The following ALG6 variants were observed in gnomAD, a reference collection of about 807,000 sequenced individuals.
The protein encoded by ALG6 is dolichyl pyrophosphate Man9GlcNAc2 alpha-1,3-glucosyltransferase.
A neutral mutation model predicts 66.6 loss-of-function variants in ALG6; 46 were observed. The ratio of observed to expected loss-of-function variants is 0.69; its 90% confidence interval spans 0.55 to 0.88. The LOEUF (loss-of-function observed/expected upper bound fraction) is 0.88. Among genes scored for constraint, ALG6 ranks in the 40% least tolerant of loss-of-function variants. ALG6 has a pLI of 0.00. For synonymous variants in ALG6, 185 were observed against 203.7 expected, an observed-to-expected ratio of 0.91 and a Z score of 0.78; for missense variants, 505 against 586.8, an observed-to-expected ratio of 0.86 and a Z score of 1.44.
At chr1:63,404,583 A>T (rs780182439) in intron 5 of ALG6, 42 bp downstream of exon 5, 6 of 1,570,338 alleles carry the variant, frequency 3.8e-6, no homozygotes, top group South Asian at 1.1e-5. Flanking sequence ...TTGATTTTTT[A>T]AAAATTTTGG....
chr1:63,408,529 T>C (rs1231816206), intron 7 of ALG6, among the ~76,000 whole-genome samples: 1 of 152,212 alleles, frequency 6.6e-6, no homozygotes, highest in Non-Finnish European at 1.5e-5. Context: ...ACATTCTTCT[T>C]ATAAGTGGAA....
intron 3 of ALG6, 72 bp downstream of exon 3, chr1:63,396,669 A>G: frequency 7.6e-7 from 1 of 1,312,412 alleles, no homozygotes; most frequent in Middle Eastern, 2.1e-4. Flanking sequence ...TTAAAGGGAC[A>G]ACACGCTATT....
chr1:63,411,091 A>G, intron 7 of ALG6, 55 bp from the exon 8 acceptor site: 1 of 1,592,126 alleles, frequency 6.3e-7, no homozygotes, highest in Non-Finnish European at 8.6e-7. Context: ...TTTGCTTTTT[A>G]AAAGCTCTAT....
chr1:63,436,785 C>T (rs1007516894), intron 14 of ALG6, 38 bp from the exon 15 acceptor site: 21 of 1,588,636 alleles, frequency 1.3e-5, no homozygotes, highest in African/African-American at 2.7e-5. Flanking sequence ...TTAAATTTCA[C>T]CTTTTATACT....
chr1:63,431,696 A>G (rs933848780), intron 14 of ALG6, among the ~76,000 whole-genome samples: 3 of 152,036 alleles, frequency 2.0e-5, no homozygotes, highest in African/African-American at 7.2e-5. Context: ...TCTTTCAACA[A>G]TGTTTTGTAG....
chr1:63,422,116 T>A (rs1570081051), intron 12 of ALG6, among the ~76,000 whole-genome samples: 1 of 79,940 alleles, frequency 1.3e-5, no homozygotes, highest in Admixed American at 1.8e-4. Context: ...TAAATATATA[T>A]AAATATATAA....
chr1:63,377,676 A>G (rs1648177793), intron 2 of ALG6, among the ~76,000 whole-genome samples: 1 of 152,174 alleles, frequency 6.6e-6, no homozygotes, highest in African/African-American at 2.4e-5. Context: ...ATGATTTTTA[A>G]TCCTATAAAT....
At chr1:63,435,739 A>T (rs1168687738) in intron 14 of ALG6, among the ~76,000 whole-genome samples, 2 of 152,218 alleles carry the variant, frequency 1.3e-5, no homozygotes, top group African/African-American at 4.8e-5. Flanking sequence ...TAAACTTATT[A>T]AATTTAAATA....
chr1:63,424,872 A>G (rs1644607046), intron 12 of ALG6, among the ~76,000 whole-genome samples: 1 of 147,688 alleles, frequency 6.8e-6, no homozygotes, highest in Non-Finnish European at 1.5e-5. Context: ...TCCACCTACT[A>G]GGTTCAAGAG....
At chr1:63,426,815 A>G (rs1046055716) in intron 12 of ALG6, among the ~76,000 whole-genome samples, 1 of 152,180 alleles carries the variant, frequency 6.6e-6, no homozygotes, top group Non-Finnish European at 1.5e-5. Context: ...AAGTGCCAGG[A>G]TTACAGTTGT....
intron 12 of ALG6, among the ~76,000 whole-genome samples, chr1:63,427,388 G>T (rs570900797): frequency 1.4e-4 from 21 of 152,008 alleles, no homozygotes; most frequent in African/African-American, 5.1e-4. Context: ...ATAGGAAAAA[G>T]TCATCCTTCT....
At chr1:63,423,080 G>C (rs1644596773) in intron 12 of ALG6, among the ~76,000 whole-genome samples, 1 of 148,944 alleles carries the variant, frequency 6.7e-6, no homozygotes, top group South Asian at 2.1e-4. Context: ...CTAGAGTGCA[G>C]TGGCGTGATC....
At chr1:63,418,428 C>G (rs917855231) in intron 11 of ALG6, among the ~76,000 whole-genome samples, 1 of 151,740 alleles carries the variant, frequency 6.6e-6, no homozygotes, top group Admixed American at 6.6e-5. Context: ...TTGATAGAAT[C>G]ATATTTTTCC....
chr1:63,412,200 T>A, intron 9 of ALG6, 139 bp downstream of exon 9: 3 of 1,325,960 alleles, frequency 2.3e-6, no homozygotes, highest in Non-Finnish European at 3.2e-6. Flanking sequence ...ATTGCTTGAT[T>A]GATTAATTGA....
chr1:63,381,373 G>A (rs1380479133), intron 2 of ALG6, among the ~76,000 whole-genome samples: 1 of 152,180 alleles, frequency 6.6e-6, no homozygotes, highest in African/African-American at 2.4e-5. Flanking sequence ...AGAATGGCAT[G>A]AACCCAGGAG....
chr1:63,436,179 AGAT>A (rs1557599708), intron 14 of ALG6, among the ~76,000 whole-genome samples: 1 of 152,164 alleles, frequency 6.6e-6, no homozygotes, highest in East Asian at 1.9e-4. Context: ...GATACAGAAT[AGAT>A]GTATATATTT....
At chr1:63,418,702 G>A (rs2100427388) in intron 11 of ALG6, among the ~76,000 whole-genome samples, 1 of 152,268 alleles carries the variant, frequency 6.6e-6, no homozygotes, top group Non-Finnish European at 1.5e-5. Context: ...CTACAAAGAT[G>A]GAGGGTGGCT....
intron 3 of ALG6, among the ~76,000 whole-genome samples, chr1:63,400,352 T>TAC (rs1644457695): frequency 8.9e-6 from 1 of 111,968 alleles, no homozygotes; most frequent in African/African-American, 4.1e-5. Context: ...TATATATGTA[T>TAC]ATATATATGT....
At chr1:63,384,241 A>C (rs1027725055) in intron 2 of ALG6, among the ~76,000 whole-genome samples, 11 of 152,174 alleles carry the variant, frequency 7.2e-5, no homozygotes, top group Non-Finnish European at 1.6e-4. Context: ...TCTGATCATC[A>C]GTGATGTTGA....
Sources: gnomAD v4.1 joint callset for allele counts (sites outside exome capture counted in the v4.1 genomes callset) on GRCh38, gnomAD v4.1.1 for gene constraint, MANE v1.5 for transcripts, NCBI Gene and HGNC (gene_info 2026-07-23, HGNC 2026-07-21) for gene names.